CDH23: variants seen among roughly 807,000 people sequenced by gnomAD.
CDH23 encodes cadherin-23.
Under a neutral mutation model 317.1 loss-of-function variants are expected in CDH23, and 189 were observed. The observed-to-expected ratio is 0.60, with a 90% CI of 0.53 to 0.67. The LOEUF (loss-of-function observed/expected upper bound fraction) is 0.67, where lower values mean the gene tolerates loss of function less well. CDH23 is among the 30% of genes least tolerant of loss of function. The probability of loss-of-function intolerance (pLI) is 0.00; values close to 1 mark genes in which losing one functional copy is unlikely to be tolerated. For missense variants in CDH23, 4,401 were observed against 4,592.4 expected, an observed-to-expected ratio of 0.96 and a Z score of 1.20; for synonymous variants, 1,839 against 1,876.8, an observed-to-expected ratio of 0.98 and a Z score of 0.52.
intron 1 of CDH23, among the ~76,000 whole-genome samples, chr10:71,423,347 G>T (rs1356250778): frequency 6.6e-6 from 1 of 152,200 alleles, no homozygotes; most frequent in Non-Finnish European, 1.5e-5. Context: ...TGTGGATTTG[G>T]TGCCTCTACA....
At chr10:71,414,134 TA>T (rs1848444901) in intron 1 of CDH23, among the ~76,000 whole-genome samples, 1 of 151,568 alleles carries the variant, frequency 6.6e-6, no homozygotes. Context: ...CAAAGAGAAA[TA>T]ATTTTACTTC....
chr10:71,611,562 T>C (rs1860895769), intron 9 of CDH23, among the ~76,000 whole-genome samples: 1 of 152,180 alleles, frequency 6.6e-6, no homozygotes, highest in Non-Finnish European at 1.5e-5. Flanking sequence ...TTAACTTATT[T>C]AATCCTTAAA....
chr10:71,427,631 C>T (rs1849164829), intron 1 of CDH23, among the ~76,000 whole-genome samples: 1 of 151,954 alleles, frequency 6.6e-6, no homozygotes, highest in African/African-American at 2.4e-5. Context: ...TGTACAAATA[C>T]AGGTTCCAGT....
At chr10:71,639,955 G>T (rs1259013972) in intron 11 of CDH23, among the ~76,000 whole-genome samples, 2 of 152,190 alleles carry the variant, frequency 1.3e-5, no homozygotes, top group African/African-American at 4.8e-5. Context: ...AGAGGACTTG[G>T]TCAGTAGGTG....
chr10:71,411,266 A>G (rs1848332241), intron 1 of CDH23, among the ~76,000 whole-genome samples: 1 of 152,222 alleles, frequency 6.6e-6, no homozygotes, highest in Non-Finnish European at 1.5e-5. Flanking sequence ...ATCCATGAAC[A>G]AGATATACTC....
Position 71,813,329 on chromosome 10 carries a change from GC to G in CDH23, c.9721del (p.His3241ThrfsTer7), listed in dbSNP as rs1842006730. ...CGGATGGTGCAAAAAGCCTCCTCCT[GC>G]CACTCCTCCATCTCTGAGGTAGCCG... ...AQRMVQKASS[C>X]HSSISELIQT... On this transcript the variant is annotated frameshift_variant, in exon 69 of 70. Coordinates refer to ENST00000224721, the MANE Select transcript of CDH23 (RefSeq NM_022124.6). LOFTEE classifies it high-confidence loss of function. 2 of 1,551,516 alleles carry G rather than the reference GC, an allele frequency of 1.3e-6. No individual in the cohort carries two copies. The highest frequency in any genetic ancestry group is 3.9e-5 in the Admixed American group (2 of 50,978).
chr10:71,709,021 CT>C (rs1865881716), intron 26 of CDH23, 76 bp from the exon 27 acceptor site: 1 of 1,349,784 alleles, frequency 7.4e-7, no homozygotes, highest in East Asian at 2.3e-5. Flanking sequence ...CGGGTCCCAG[CT>C]CAGGAGCAGA....
chr10:71,475,240 G>A lies in CDH23; in HGVS notation c.145+28845G>A, dbSNP rs149346072. The stretch of plus-strand genomic sequence containing the variant: ...CTTAGCCCTCAGACACACGACATCC[G>A]CAGGAGCTGCCCAGGAGCGTCCCTG... On this transcript the variant is annotated intron_variant, in intron 3 of 69. Coordinates refer to ENST00000224721, the MANE Select transcript of CDH23 (RefSeq NM_022124.6). Among the ~76,000 whole-genome samples the A allele has an allele frequency of 5.4e-3, 817 of 152,336 alleles. 3 individuals are homozygous for A. Among genetic ancestry groups the A allele is most frequent in the Non-Finnish European group, 9.6e-3 (652 of 68,028 alleles).
At chr10:71,477,659 G>A (rs889625505) in intron 3 of CDH23, among the ~76,000 whole-genome samples, 1 of 152,124 alleles carries the variant, frequency 6.6e-6, no homozygotes, top group Non-Finnish European at 1.5e-5. Flanking sequence ...CATCTTACTC[G>A]AGACATCTGC....
chr10:71,649,349 G>GA (rs905215553), intron 14 of CDH23, among the ~76,000 whole-genome samples: 1 of 152,176 alleles, frequency 6.6e-6, no homozygotes, highest in East Asian at 1.9e-4. Flanking sequence ...GTTGTGTCAG[G>GA]AAAAAAATTA....
chr10:71,712,868 A>T, intron 28 of CDH23, 55 bp downstream of exon 28: 1 of 1,580,406 alleles, frequency 6.3e-7, no homozygotes, highest in Non-Finnish European at 8.6e-7. Flanking sequence ...GCGGAGCCAC[A>T]CACGGCCCTG....
At chr10:71,813,520 T>C (rs981920242) in intron 69 of CDH23, among the ~76,000 whole-genome samples, 172 bp downstream of exon 69, 13 of 152,122 alleles carry the variant, frequency 8.5e-5, no homozygotes, top group African/African-American at 2.9e-4. Flanking sequence ...TTCTGGGCTT[T>C]TGGGGGCTTT....
chr10:71,589,128 AT>A (rs11374966), intron 9 of CDH23, among the ~76,000 whole-genome samples: 2,181 of 149,382 alleles, frequency 0.015, 61 homozygotes, highest in African/African-American at 0.05. Context: ...GTTTAAAGTA[AT>A]TTTTTTTTTT....
At chr10:71,609,995 T>TGTGTGAGA (rs3222215) in intron 9 of CDH23, among the ~76,000 whole-genome samples, 4 of 140,822 alleles carry the variant, frequency 2.8e-5, no homozygotes, top group African/African-American at 7.9e-5. Context: ...TGTGTGTGTG[T>TGTGTGAGA]GAGAGAGACA....
intron 38 of CDH23, among the ~76,000 whole-genome samples, chr10:71,759,852 C>A (rs201558798): frequency 1.3e-5 from 1 of 76,908 alleles, no homozygotes; most frequent in Non-Finnish European, 2.6e-5. Context: ...CACACATATA[C>A]ACACACACAC....
intron 3 of CDH23, among the ~76,000 whole-genome samples, chr10:71,492,475 T>TC (rs1564613872): frequency 6.6e-6 from 1 of 152,270 alleles, no homozygotes; most frequent in South Asian, 2.1e-4. Flanking sequence ...AAACTGACCC[T>TC]TACTCTCTTC....
chr10:71,791,403 C>T (rs1841247583), intron 47 of CDH23, 68 bp downstream of exon 47: 2 of 1,406,294 alleles, frequency 1.4e-6, no homozygotes, highest in Non-Finnish European at 2.0e-6. Flanking sequence ...GGACTGGAGC[C>T]TCAGGTTGGA....
chr10:71,810,279 A>G (rs1355115362), intron 61 of CDH23, among the ~76,000 whole-genome samples, 193 bp from the exon 62 acceptor site: 1 of 152,224 alleles, frequency 6.6e-6, no homozygotes, highest in East Asian at 1.9e-4. Flanking sequence ...AAATGGGGCC[A>G]ATAATAAATA....
intron 3 of CDH23, among the ~76,000 whole-genome samples, chr10:71,460,123 G>C (rs1165186698): frequency 6.6e-6 from 1 of 152,232 alleles, no homozygotes; most frequent in Non-Finnish European, 1.5e-5. Context: ...GCATTAAGCT[G>C]CTGAGCTGAA....
Sources: allele counts gnomAD v4.1 joint callset (sites outside exome capture counted in the v4.1 genomes callset), GRCh38; gene constraint gnomAD v4.1.1; transcripts MANE v1.5; gene names NCBI Gene and HGNC (gene_info 2026-07-23, HGNC 2026-07-21).